The following CD109 variants were observed in gnomAD, a reference collection of about 807,000 sequenced individuals.
The protein encoded by CD109 is CD109 molecule, also known as CD109 antigen.
Under a neutral mutation model 165.8 loss-of-function variants are expected in CD109, and 149 were observed. The ratio of observed to expected loss-of-function variants is 0.90; its 90% CI spans 0.79 to 1.03. The LOEUF (loss-of-function observed/expected upper bound fraction) is 1.03. CD109 is among the 50% of genes least tolerant of loss of function. The pLI is 0.00. For missense variants in CD109, 1,712 were observed against 1,677.8 expected, an observed-to-expected ratio of 1.02 and a Z score of -0.36; for synonymous variants, 585 against 592.1, an observed-to-expected ratio of 0.99 and a Z score of 0.18.
chr6:73,789,351 A>T (rs1774827948), intron 22 of CD109, among the ~76,000 whole-genome samples: 1 of 152,198 alleles, frequency 6.6e-6, no homozygotes. Context: ...ATTATGGCTT[A>T]TGAATGCAAT....
At chr6:73,815,146 CT>C in intron 30 of CD109, 23 bp downstream of exon 30, 1 of 1,537,646 alleles carries the variant, frequency 6.5e-7, no homozygotes, top group Non-Finnish European at 8.7e-7. Flanking sequence ...TTAGGTCTCT[CT>C]TCTTTTTTTC....
At chr6:73,813,937 A>C (rs1775841570) in intron 29 of CD109, among the ~76,000 whole-genome samples, 1 of 152,166 alleles carries the variant, frequency 6.6e-6, no homozygotes, top group Non-Finnish European at 1.5e-5. Flanking sequence ...ACTGTTCTTC[A>C]GCTGCTTCAG....
rs1774651089 is a variant in CD109, at chr6:73,785,448, A to G, written c.2308A>G (p.Ile770Val). The change falls in exon 20 of 33, where the codon ATA becomes GTA. Residue 770 changes from isoleucine (I) to valine (V), a missense_variant. Transcript: ENST00000287097. ...RGEEFALEIT[I>V]FNYLKDATEV... ...TGAAGAATTTGCTTTGGAAATAACT[A>G]TATTCAATTATTTGAAAGATGCCAC... is the stretch of plus-strand genomic sequence containing the variant. The G allele has an allele frequency of 1.3e-6, 2 of 1,588,202 alleles. No individual in the cohort carries two copies. The highest frequency in any genetic ancestry group is 1.7e-6 in the Non-Finnish European group (2 of 1,160,880).
At chr6:73,760,232 C>T (rs1252550986) in intron 7 of CD109, among the ~76,000 whole-genome samples, 7 of 151,100 alleles carry the variant, frequency 4.6e-5, no homozygotes, top group African/African-American at 1.7e-4. Flanking sequence ...ACGGTGAAAC[C>T]CCGTCTCTAC....
intron 7 of CD109, among the ~76,000 whole-genome samples, chr6:73,759,502 G>C (rs2150218964): frequency 6.6e-6 from 1 of 152,140 alleles, no homozygotes; most frequent in South Asian, 2.1e-4. Flanking sequence ...AATTAGTCAA[G>C]CTTTTATTTT....
intron 10 of CD109, among the ~76,000 whole-genome samples, chr6:73,764,864 G>A (rs376062856): frequency 6.6e-6 from 1 of 151,966 alleles, no homozygotes; most frequent in East Asian, 1.9e-4. Context: ...GAATGGAGGG[G>A]TCACTTGTTG....
intron 23 of CD109, among the ~76,000 whole-genome samples, chr6:73,795,486 G>A (rs1294811752): frequency 2.6e-5 from 4 of 152,168 alleles, no homozygotes. Context: ...CCTCAGGTCA[G>A]TCCTGGCCAG....
At chr6:73,764,427 G>A (rs1773756485) in intron 10 of CD109, among the ~76,000 whole-genome samples, 1 of 152,230 alleles carries the variant, frequency 6.6e-6, no homozygotes, top group Non-Finnish European at 1.5e-5. Context: ...TTATAAATAA[G>A]TGAGAGTGGA....
intron 15 of CD109, among the ~76,000 whole-genome samples, chr6:73,772,426 A>G (rs1774070718): frequency 6.6e-6 from 1 of 150,712 alleles, no homozygotes; most frequent in African/African-American, 2.4e-5. Context: ...AATGGCATGA[A>G]TCCCAGGAGG....
chr6:73,719,318 C>T (rs1562028456), intron 2 of CD109, among the ~76,000 whole-genome samples: 1 of 152,168 alleles, frequency 6.6e-6, no homozygotes, highest in Non-Finnish European at 1.5e-5. Flanking sequence ...ATTAAAACAA[C>T]AATGGTTTAT....
chr6:73,750,929 G>A (rs1220317665), intron 5 of CD109, among the ~76,000 whole-genome samples: 2 of 149,390 alleles, frequency 1.3e-5, no homozygotes, highest in Non-Finnish European at 3.0e-5. Context: ...GTAACAAAAG[G>A]TCCTGTCATG....
intron 23 of CD109, among the ~76,000 whole-genome samples, chr6:73,801,895 A>G (rs1775370237): frequency 6.6e-6 from 1 of 152,202 alleles, no homozygotes. Context: ...TGTAATTTTT[A>G]GAAGGATTTT....
chr6:73,729,109 C>T (rs1486437310), intron 3 of CD109, among the ~76,000 whole-genome samples: 2 of 152,184 alleles, frequency 1.3e-5, no homozygotes, highest in Non-Finnish European at 2.9e-5. Context: ...CCAATGTGGG[C>T]CTCTCCACAG....
At chr6:73,802,257 A>ATGTG (rs533767572) in intron 23 of CD109, among the ~76,000 whole-genome samples, 294 of 99,850 alleles carry the variant, frequency 2.9e-3, no homozygotes, top group Non-Finnish European at 3.5e-3. Flanking sequence ...GCATGTGTAT[A>ATGTG]TGTGTGTGTG....
rs1776195013 is a variant in CD109 at position 73,824,053 on chromosome 6, T to C, written c.*420T>C. The C allele has an allele frequency of 6.5e-6, 1 of 153,654 alleles. No individual in the cohort carries two copies. The highest frequency in any genetic ancestry group is 6.5e-5 in the Admixed American group (1 of 15,410). The allele number at this position is 153,654 out of a possible 1,614,324, so 9.5% of individuals were successfully genotyped here. A position where few individuals can be genotyped will look rare whatever the true frequency, so the allele number is the denominator to read the frequency against. ...GAGAAAACAGCCAGCAGGAGGAGCT[T>C]CATCTGTTCCCTTCCCACCTCCAAC... On this transcript the variant is annotated 3_prime_UTR_variant, in exon 33 of 33. Coordinates refer to ENST00000287097, the MANE Select transcript of CD109 (RefSeq NM_133493.5).
At chr6:73,778,671 A>T (rs1774356477) in intron 15 of CD109, among the ~76,000 whole-genome samples, 1 of 151,580 alleles carries the variant, frequency 6.6e-6, no homozygotes, top group Non-Finnish European at 1.5e-5. Flanking sequence ...TTTTTTTCTT[A>T]TTTTATTGTT....
chr6:73,785,390 T>A lies in CD109; in HGVS notation c.2250T>A (p.Ile750=), dbSNP rs142124869. 1 of 1,606,370 alleles carries A rather than the reference T, an allele frequency of 6.2e-7. No individual in the cohort carries two copies. Among genetic ancestry groups the A allele is most frequent in the East Asian group, 2.2e-5 (1 of 44,726 alleles). The change falls in exon 20 of 33, where the codon ATT becomes ATA. Residue 750 remains isoleucine (I), a synonymous_variant. Transcript: ENST00000287097. The part of the protein sequence containing the change: ...VELQAFQPFF[I]FLNLPYSVIR... ...TCCAAGCCTTCCAACCATTTTTCAT[T>A]TTTTTGAATCTTCCCTACTCTGTTA...
At chr6:73,684,634 T>C in the CD109 span, among the ~76,000 whole-genome samples, 1 of 152,186 alleles carries the variant, frequency 6.6e-6, no homozygotes, top group Non-Finnish European at 1.5e-5. Flanking sequence ...TTCATGTACC[T>C]GTTGGCCATT....
intron 30 of CD109, 81 bp from the exon 31 acceptor site, chr6:73,818,307 T>G: frequency 6.8e-7 from 1 of 1,465,968 alleles, no homozygotes; most frequent in Non-Finnish European, 9.5e-7. Flanking sequence ...TTGGTGGGTT[T>G]GATTTTTGTA....
Sources: gnomAD v4.1 joint callset for allele counts (sites outside exome capture counted in the v4.1 genomes callset) on GRCh38, gnomAD v4.1.1 for gene constraint, MANE v1.5 for transcripts, NCBI Gene and HGNC (gene_info 2026-07-23, HGNC 2026-07-21) for gene names.